The following FER1L5 variants were observed in gnomAD, a reference collection of about 807,000 sequenced individuals.
FER1L5 encodes fer-1 like family member 5, also known as fer-1-like protein 5.
FER1L5 carries 187 observed loss-of-function variants against 279.9 expected under a neutral mutation model. The ratio of observed to expected loss-of-function variants is 0.67; its 90% CI spans 0.59 to 0.75. The LOEUF (loss-of-function observed/expected upper bound fraction) is 0.75, where lower values mean the gene tolerates loss of function less well. Ranked by LOEUF, FER1L5 falls within the 30% of genes least tolerant of loss-of-function variation. FER1L5 has a pLI of 0.00. For missense variants in FER1L5, 2,091 were observed against 2,594.4 expected (o/e 0.81, Z 4.21); for synonymous variants, 921 against 989.7 (o/e 0.93, Z 1.30).
intron 14 of FER1L5, 24 bp from the exon 15 acceptor site, chr2:96,668,727 G>C: frequency 6.4e-7 from 1 of 1,551,192 alleles, no homozygotes; most frequent in Admixed American, 2.0e-5. Context: ...TGTACCCACC[G>C]CACCTCTCTC....
chr2:96,647,728 A>G, intron 3 of FER1L5, 50 bp from the exon 4 acceptor site: 2 of 1,337,206 alleles, frequency 1.5e-6, no homozygotes, highest in Non-Finnish European at 1.1e-6. Context: ...AGAGAAGAGG[A>G]CACTCTTTCC....
At chr2:96,700,538 G>C in intron 45 of FER1L5, 67 bp downstream of exon 45, 1 of 1,599,844 alleles carries the variant, frequency 6.3e-7, no homozygotes, top group Non-Finnish European at 8.5e-7. Flanking sequence ...AGAGATGCCT[G>C]TCCACCCAGG....
At chr2:96,704,173 T>A in intron 51 of FER1L5, 42 bp from the exon 52 acceptor site, 1 of 1,606,154 alleles carries the variant, frequency 6.2e-7, no homozygotes, top group East Asian at 2.2e-5. Context: ...GACCTGAAGG[T>A]TCTCCCTGCC....
At chr2:96,703,448 C>A (rs2077664549) in intron 50 of FER1L5, 75 bp from the exon 51 acceptor site, 2 of 1,606,576 alleles carry the variant, frequency 1.2e-6, no homozygotes, top group Non-Finnish European at 1.7e-6. Flanking sequence ...CTTTCTTGAT[C>A]CCGGGAAGAG....
chr2:96,693,767 T>C, intron 32 of FER1L5, 80 bp downstream of exon 32: 4 of 1,493,254 alleles, frequency 2.7e-6, no homozygotes, highest in African/African-American at 1.4e-5. Flanking sequence ...GATGAAAATG[T>C]ATGGAAAGTG....
rs1003646137 is a variant in FER1L5 at position 96,685,207 on chromosome 2, G to A, written c.1795-122G>A. On this transcript the variant is annotated intron_variant, in intron 20 of 52. Coordinates refer to ENST00000624922, the MANE Select transcript of FER1L5 (RefSeq NM_001293083.2). ...GACAACCTTGAACTGATATCACCAG[G>A]TTATCCCTCAAAGTTCCCAAGGTCG... 8 of 789,002 alleles carry A rather than the reference G, an allele frequency of 1.0e-5. No homozygotes were observed. In the African/African-American group the frequency reaches 1.4e-4, roughly 14 times the overall value. The allele number at this position is 789,002 out of a possible 1,614,324, so 48.9% of individuals were successfully genotyped here. A position where few individuals can be genotyped will look rare whatever the true frequency, so the allele number is the denominator to read the frequency against.
chr2:96,659,617 T>G (rs1371816838), intron 9 of FER1L5, among the ~76,000 whole-genome samples: 5 of 150,066 alleles, frequency 3.3e-5, no homozygotes, highest in South Asian at 4.2e-4. Context: ...TGAACCTCCC[T>G]AGTAGCTGAG....
Position 96,693,656 on chromosome 2 carries a change from T to C in FER1L5, c.3443T>C (p.Val1148Ala), listed in dbSNP as rs763205739. ...GACACCAAAGAGAGCCCACCGCTTG[T>C]GGTGCTGGAGCTGTGGCAGCGTGAC... ...PQDTKESPPLVVLELWQRDFW... is the reference protein window; with the variant it reads ...PQDTKESPPLAVLELWQRDFW... Residue 1148 changes from valine (V) to alanine (A), a missense_variant, in exon 32 of 53, where the codon GTG becomes GCG. Transcript: ENST00000624922. 6.4e-7 allele frequency: 1 copy of C among 1,551,686 alleles called. No homozygotes were observed. The highest frequency in any genetic ancestry group is 1.2e-5 in the South Asian group (1 of 84,050).
chr2:96,664,710 A>ACTAGATT (rs1462864507), intron 14 of FER1L5, among the ~76,000 whole-genome samples: 1 of 152,212 alleles, frequency 6.6e-6, no homozygotes, highest in Non-Finnish European at 1.5e-5. Flanking sequence ...ATGCAGAATG[A>ACTAGATT]CTAGATTCTA....
chr2:96,670,270 C>A, intron 18 of FER1L5, 23 bp downstream of exon 18: 1 of 1,550,108 alleles, frequency 6.5e-7, no homozygotes, highest in East Asian at 2.4e-5. Context: ...AACAGGTAAC[C>A]CAGGGAAAAA....
chr2:96,699,738 T>C lies in FER1L5; in HGVS notation c.4781+18T>C, dbSNP rs1210614256. On this transcript the variant is annotated intron_variant, in intron 43 of 52. Coordinates refer to ENST00000624922, the MANE Select transcript of FER1L5 (RefSeq NM_001293083.2). ...TACTGCCAGTGAGAGTGGGCCCGTC[T>C]GGGGGAAGGGAGTCAGGTGGGGTGG... 1.2e-6 allele frequency: 2 copies of C among 1,613,228 alleles called. No individual in the cohort carries two copies. Among genetic ancestry groups the C allele is most frequent in the Admixed American group, 1.7e-5 (1 of 60,000 alleles).
chr2:96,668,691 T>G (rs559029225), intron 14 of FER1L5, 60 bp from the exon 15 acceptor site: 2 of 1,545,124 alleles, frequency 1.3e-6, no homozygotes, highest in African/African-American at 2.7e-5. Context: ...TCTTAAAATC[T>G]CCACGAGGGC....
In FER1L5 at chr2:96,703,056, T is replaced by A. The variant is rs779158332; in HGVS notation, c.5476T>A (p.Phe1826Ile). Residue 1826 changes from phenylalanine (F) to isoleucine (I), a missense_variant, in exon 49 of 53, where the codon TTC becomes ATC. Transcript: ENST00000624922. ...LIIQVWDNDI[F>I]SPDDFLGVLE... ...CATCCAGGTCTGGGACAATGACATC[T>A]TCTCCCCCGACGACTTCCTAGGTGA... 1.9e-6 allele frequency: 3 copies of A among 1,613,648 alleles called. No individual in the cohort carries two copies. In the South Asian group the frequency reaches 3.3e-5, roughly 18 times the overall value.
At position 96,686,344 on chromosome 2, in the gene FER1L5, C is replaced by A. The variant is rs1463283294; in HGVS notation, c.2223C>A (p.Phe741Leu). 1 of 1,550,636 alleles carries A rather than the reference C, an allele frequency of 6.4e-7. No homozygotes were observed. The highest frequency in any genetic ancestry group is 1.2e-5 in the South Asian group (1 of 83,974). Residue 741 changes from phenylalanine to leucine, a missense_variant, in exon 23 of 53, where the codon TTC (phenylalanine) becomes TTA (leucine). Coordinates refer to ENST00000624922, the MANE Select transcript of FER1L5 (RefSeq NM_001293083.2). ...GRLCGKIQTL[F>L]LQYPEGEGQK... The stretch of plus-strand genomic sequence containing the variant: ...TCTGTGGGAAGATACAGACACTCTT[C>A]CTACAGGTGGGAATCAGGGACTCCT...
intron 8 of FER1L5, 93 bp from the exon 9 acceptor site, chr2:96,654,353 G>T (rs957416078): frequency 2.5e-6 from 1 of 397,096 alleles, no homozygotes. Flanking sequence ...TACGTCAGGA[G>T]GATCCTGGTT....
At chr2:96,671,105 T>TAAAAAA (rs2076308124) in intron 18 of FER1L5, among the ~76,000 whole-genome samples, 1 of 6,648 alleles carries the variant, frequency 1.5e-4, no homozygotes, top group Non-Finnish European at 2.0e-4. Context: ...AGACTCCATC[T>TAAAAAA]CAAAAAAAAA....
intron 9 of FER1L5, among the ~76,000 whole-genome samples, chr2:96,659,492 T>C (rs1311665370): frequency 2.3e-5 from 1 of 43,390 alleles, no homozygotes; most frequent in Non-Finnish European, 3.5e-5. Flanking sequence ...TTTCTTTCTT[T>C]CTTTCTTTCT....
intron 8 of FER1L5, chr2:96,654,012 C>G (rs1292346618): frequency 2.4e-6 from 1 of 409,528 alleles, no homozygotes; most frequent in Non-Finnish European, 4.4e-6. Context: ...ATTCCCTAAC[C>G]AAAGGGAGCC....
rs1380607378 is a variant in FER1L5 at position 96,642,782 on chromosome 2, A to G, written c.-55A>G. 2.0e-6 allele frequency: 3 copies of G among 1,525,046 alleles called. No homozygotes were observed. Among genetic ancestry groups the G allele is most frequent in the East Asian group, 2.5e-5 (1 of 40,066 alleles). The allele number at this position is 1,525,046 out of a possible 1,614,324, so 94.5% of individuals were successfully genotyped here. A position where few individuals can be genotyped will look rare whatever the true frequency, so the allele number is the denominator to read the frequency against. ...GAAAAGTCTTGGACTGAGGAGCTCC[A>G]AAAAGGAAGCTGTGGCGCTGCGTAG... On this transcript the variant is annotated 5_prime_UTR_variant, in exon 1 of 53. Coordinates refer to ENST00000624922, the MANE Select transcript of FER1L5 (RefSeq NM_001293083.2).
Sources: allele counts gnomAD v4.1 joint callset (sites outside exome capture counted in the v4.1 genomes callset), GRCh38; gene constraint gnomAD v4.1.1; transcripts MANE v1.5; gene names NCBI Gene and HGNC (gene_info 2026-07-23, HGNC 2026-07-21).